CPNE2: variants seen among roughly 807,000 people sequenced by gnomAD.
The protein encoded by CPNE2 is copine-2.
In CPNE2, 42 loss-of-function variants were observed where a neutral mutation model predicts 69.7. That is an observed-to-expected ratio of 0.60 (90% CI 0.47 to 0.78). The LOEUF (loss-of-function observed/expected upper bound fraction) is 0.78, where lower values mean the gene tolerates loss of function less well. Among genes scored for constraint, CPNE2 ranks in the 30% least tolerant of loss-of-function variants. The pLI, the probability that CPNE2 is intolerant of heterozygous loss-of-function variation, is 0.00. For missense variants in CPNE2, 587 were observed against 732.0 expected (o/e 0.80, Z 2.29); for synonymous variants, 294 against 289.8 (o/e 1.01, Z -0.15).
intron 1 of CPNE2, among the ~76,000 whole-genome samples, chr16:57,106,362 G>T (rs1012054998): frequency 1.3e-5 from 2 of 152,242 alleles, no homozygotes; most frequent in African/African-American, 4.8e-5. Flanking sequence ...AGTCAGGCTG[G>T]AGGGAGGGAA....
intron 4 of CPNE2, among the ~76,000 whole-genome samples, chr16:57,116,619 C>T (rs1169420201): frequency 1.3e-5 from 2 of 152,206 alleles, no homozygotes; most frequent in Non-Finnish European, 2.9e-5. Flanking sequence ...AGACAGACCC[C>T]ACTCACCCGG....
At chr16:57,108,564 G>A (rs1327517230) in intron 1 of CPNE2, among the ~76,000 whole-genome samples, 1 of 152,202 alleles carries the variant, frequency 6.6e-6, no homozygotes, top group Non-Finnish European at 1.5e-5. Flanking sequence ...AGTGTTAAAT[G>A]CACACATGCC....
intron 14 of CPNE2, chr16:57,140,991 G>A (rs2069918533): frequency 6.7e-6 from 1 of 150,072 alleles, no homozygotes; most frequent in South Asian, 2.1e-4. Context: ...CCAGGCCATT[G>A]TCCCACCCAG....
At position 57,109,475 on chromosome 16, in the gene CPNE2, C is replaced by CAA. The variant is rs1170223475; in HGVS notation, c.-35-1218_-35-1217dup. 7.4e-3 allele frequency among the ~76,000 whole-genome samples: 704 copies of CAA among 94,612 alleles called. 39 individuals carry two copies. In the East Asian group the frequency reaches 0.14, roughly 18 times the overall value. The allele number at this position is 94,612 out of a possible 152,430, so 62.1% of individuals were successfully genotyped here. ...TGGGTGACAGAGCCAGACTCTGCCT[C>CAA]AAAAAAAAAAAAAAAAGAAAGTAAA... On this transcript the variant is annotated intron_variant, in intron 1 of 15. Transcript: ENST00000290776.
At chr16:57,145,734 T>A in intron 14 of CPNE2, 1 of 274,888 alleles carries the variant, frequency 3.6e-6, no homozygotes, top group Non-Finnish European at 7.0e-6. Context: ...ACTGAGGCAC[T>A]ACGAGTCAAG....
chr16:57,141,256 G>A (rs2069920688), intron 14 of CPNE2: 1 of 152,346 alleles, frequency 6.6e-6, no homozygotes, highest in African/African-American at 2.4e-5. Context: ...GCATTTGTGT[G>A]TTCTGGGGAG....
intron 13 of CPNE2, among the ~76,000 whole-genome samples, chr16:57,136,846 G>A (rs2069885124): frequency 6.6e-6 from 1 of 152,144 alleles, no homozygotes; most frequent in African/African-American, 2.4e-5. Context: ...CCTGGGGGGT[G>A]GAGGTTGCAC....
At chr16:57,121,929 C>T (rs1175770872) in intron 9 of CPNE2, among the ~76,000 whole-genome samples, 169 bp downstream of exon 9, 1 of 152,226 alleles carries the variant, frequency 6.6e-6, no homozygotes, top group African/African-American at 2.4e-5. Context: ...TCAGTCTCCT[C>T]ATCTGTGGAA....
chr16:57,107,506 G>T (rs1477193109), intron 1 of CPNE2, among the ~76,000 whole-genome samples: 2 of 152,182 alleles, frequency 1.3e-5, no homozygotes, highest in Non-Finnish European at 2.9e-5. Flanking sequence ...CCAGCAAGAG[G>T]CTGGCGCTCC....
chr16:57,124,040 C>T (rs1481572866), intron 10 of CPNE2: 2 of 177,940 alleles, frequency 1.1e-5, no homozygotes, highest in Non-Finnish European at 2.4e-5. Context: ...CCTTGCTGCT[C>T]CTCTGTCATA....
intron 14 of CPNE2, chr16:57,142,264 C>G (rs1225102253): frequency 3.3e-5 from 5 of 152,322 alleles, no homozygotes; most frequent in African/African-American, 1.2e-4. Context: ...TGGCATCCGA[C>G]CCAGATGGAG....
chr16:57,101,703 G>C (rs571396181), intron 1 of CPNE2, among the ~76,000 whole-genome samples: 14 of 152,212 alleles, frequency 9.2e-5, no homozygotes, highest in Non-Finnish European at 1.5e-4. Flanking sequence ...GTGGTTCCAG[G>C]GGGGCAGCCC....
Position 57,115,550 on chromosome 16 carries a change from G to C in CPNE2, c.435G>C (p.Thr145=), listed in dbSNP as rs770852542. ...NDKPAGKGLI[T]IAAQELSDNR... ...AGCCTGCGGGGAAGGGCTTGATTAC[G>C]GTACCAGTCCCCTCCCGGCTCTCCG... is the stretch of plus-strand genomic sequence containing the variant. The change falls in exon 4 of 16, where the codon ACG becomes ACC. Residue 145 remains threonine, a splice_region_variant and synonymous_variant. Coordinates refer to ENST00000290776, the MANE Select transcript of CPNE2 (RefSeq NM_152727.6). 1.2e-6 allele frequency: 2 copies of C among 1,610,240 alleles called. No individual in the cohort carries two copies. The highest frequency in any genetic ancestry group is 1.7e-6 in the Non-Finnish European group (2 of 1,177,792).
intron 14 of CPNE2, chr16:57,142,119 A>C (rs2069926757): frequency 6.6e-6 from 1 of 152,260 alleles, no homozygotes; most frequent in South Asian, 2.1e-4. Context: ...ACTTCTGTGT[A>C]GCACTGGGGA....
intron 10 of CPNE2, chr16:57,124,915 A>G (rs1278481411): frequency 1.3e-5 from 3 of 239,494 alleles, no homozygotes; most frequent in South Asian, 1.0e-4. Context: ...GCGAACTCAC[A>G]CTGACTGCCT....
intron 3 of CPNE2, 149 bp downstream of exon 3, chr16:57,113,616 C>A: frequency 1.2e-6 from 1 of 856,214 alleles, no homozygotes; most frequent in Non-Finnish European, 1.7e-6. Context: ...TTGGCGGGTT[C>A]AAGGCCGGGC....
chr16:57,118,520 CTT>C (rs2069736914), intron 5 of CPNE2, among the ~76,000 whole-genome samples: 1 of 151,974 alleles, frequency 6.6e-6, no homozygotes, highest in Admixed American at 6.6e-5. Flanking sequence ...AATATAACCT[CTT>C]TAAAGTAACA....
chr16:57,134,137 G>A (rs1426613468), intron 12 of CPNE2, among the ~76,000 whole-genome samples: 1 of 152,208 alleles, frequency 6.6e-6, no homozygotes, highest in Non-Finnish European at 1.5e-5. Context: ...GAGTGTCCGG[G>A]TCAGTCTCTG....
chr16:57,111,632 T>G (rs1230714313), intron 2 of CPNE2, among the ~76,000 whole-genome samples: 1 of 152,254 alleles, frequency 6.6e-6, no homozygotes, highest in East Asian at 1.9e-4. Context: ...CCAGTGATGC[T>G]ACTCCCTGCT....
Sources: allele counts gnomAD v4.1 joint callset (sites outside exome capture counted in the v4.1 genomes callset), GRCh38; gene constraint gnomAD v4.1.1; transcripts MANE v1.5; gene names NCBI Gene and HGNC (gene_info 2026-07-23, HGNC 2026-07-21).